Variants in KIF11 observed in about 807,000 individuals in gnomAD.
KIF11 encodes the protein kinesin-like protein KIF11.
Under a neutral mutation model 121.0 loss-of-function variants are expected in KIF11, and 9 were observed. The ratio of observed to expected loss-of-function variants is 0.07; its 90% confidence interval spans 0.04 to 0.13. The LOEUF (loss-of-function observed/expected upper bound fraction) is 0.13, where lower values mean the gene tolerates loss of function less well. Ranked by LOEUF, KIF11 falls within the 10% of genes least tolerant of loss-of-function variation. The pLI, the probability that KIF11 is intolerant of heterozygous loss-of-function variation, is 1.00. For missense variants in KIF11, 846 were observed against 1,217.5 expected (o/e 0.69, Z 4.54); for synonymous variants, 408 against 421.0 (o/e 0.97, Z 0.38).
At chr10:92,628,395 T>G (rs1844701395) in intron 10 of KIF11, among the ~76,000 whole-genome samples, 1 of 152,156 alleles carries the variant, frequency 6.6e-6, no homozygotes, top group Non-Finnish European at 1.5e-5. Flanking sequence ...AAGTCCCACA[T>G]TTTTCCAGCA....
chr10:92,600,418 TCA>T (rs1844356012), intron 1 of KIF11, among the ~76,000 whole-genome samples: 2 of 152,212 alleles, frequency 1.3e-5, no homozygotes, highest in South Asian at 4.1e-4. Flanking sequence ...GATCAACCCA[TCA>T]CCTAGCTATT....
chr10:92,632,263 G>A (rs1844746391), intron 12 of KIF11, among the ~76,000 whole-genome samples: 1 of 151,846 alleles, frequency 6.6e-6, no homozygotes. Context: ...CACCTCCCAG[G>A]TTCAAGCAAT....
intron 16 of KIF11, 84 bp downstream of exon 16, chr10:92,637,629 C>CAT: frequency 7.5e-7 from 1 of 1,326,722 alleles, no homozygotes. Context: ...CTATGTTACA[C>CAT]AATCTGAATA....
intron 21 of KIF11, among the ~76,000 whole-genome samples, chr10:92,652,058 A>G (rs1281138652): frequency 7.0e-6 from 1 of 143,602 alleles, no homozygotes; most frequent in Admixed American, 7.4e-5. Flanking sequence ...CAGCCCTCCT[A>G]CCTCAGCCTC....
intron 12 of KIF11, among the ~76,000 whole-genome samples, chr10:92,631,062 G>A (rs956141394): frequency 1.3e-4 from 20 of 151,232 alleles, no homozygotes; most frequent in African/African-American, 4.1e-4. Flanking sequence ...GAGGTGGGTG[G>A]ATTGCTTGAG....
Position 92,655,016 on chromosome 10 carries a change from T to C in KIF11, c.*1220T>C, listed in dbSNP as rs1215336313. On this transcript the variant is annotated 3_prime_UTR_variant, in exon 22 of 22. Transcript: ENST00000260731. ...GTTTGTATATAATACAATGTGTACA[T>C]GTATCTTTTTCTCGATTCAAATCTT... 1 of 152,694 alleles carries C rather than the reference T, an allele frequency of 6.5e-6. No individual in the cohort carries two copies. The highest frequency in any genetic ancestry group is 1.5e-5 in the Non-Finnish European group (1 of 68,044). 9.5% of individuals were successfully genotyped at this position (152,694 alleles called of 1,614,324 possible).
rs1440576167 is a variant in KIF11 at position 92,613,267 on chromosome 10, G to GA, written c.790-104dup. On this transcript the variant is annotated intron_variant, in intron 7 of 21. Transcript: ENST00000260731. This position sits in a 1 kb window ranked among gnomAD's most constrained non-coding sequence, Gnocchi z 4.2. ...TGGGAGAAGAAATTTGTTAATTACA[G>GA]AAAAAATTATTTTGCTGGCGATTTA... 7 of 1,106,898 alleles carry GA rather than the reference G, an allele frequency of 6.3e-6. No individual in the cohort carries two copies. The highest frequency in any genetic ancestry group is 1.6e-5 in the African/African-American group (1 of 62,866). 68.6% of individuals were successfully genotyped at this position (1,106,898 alleles called of 1,614,324 possible).
At chr10:92,636,397 A>T (rs2135918547) in intron 14 of KIF11, among the ~76,000 whole-genome samples, 1 of 152,100 alleles carries the variant, frequency 6.6e-6, no homozygotes, top group East Asian at 1.9e-4. Flanking sequence ...TGGGTGGATC[A>T]CTTGAGGTCA....
At chr10:92,622,358 T>C (rs1441233647) in intron 10 of KIF11, among the ~76,000 whole-genome samples, 1 of 150,406 alleles carries the variant, frequency 6.6e-6, no homozygotes, top group Non-Finnish European at 1.5e-5. Flanking sequence ...CTCACGCCTG[T>C]AATCCCAGCA....
At chr10:92,605,300 CTGAG>C (rs1362389324) in intron 1 of KIF11, among the ~76,000 whole-genome samples, 2 of 152,130 alleles carry the variant, frequency 1.3e-5, no homozygotes, top group Non-Finnish European at 2.9e-5. Flanking sequence ...TGTGGACAAA[CTGAG>C]TGAGCACAAT....
chr10:92,606,144 T>C, intron 1 of KIF11, 121 bp from the exon 2 acceptor site: 1 of 775,544 alleles, frequency 1.3e-6, no homozygotes, highest in East Asian at 2.7e-5. Flanking sequence ...TGATTTAATC[T>C]CCATCACCAA....
At chr10:92,616,666 C>T in intron 8 of KIF11, 71 bp from the exon 9 acceptor site, 2 of 755,984 alleles carry the variant, frequency 2.6e-6, no homozygotes, top group Non-Finnish European at 4.4e-6. Context: ...TATTATATAA[C>T]ATATTTTAGA....
intron 13 of KIF11, among the ~76,000 whole-genome samples, 185 bp downstream of exon 13, chr10:92,632,878 C>G (rs1458945675): frequency 1.3e-5 from 2 of 152,024 alleles, no homozygotes; most frequent in Admixed American, 1.3e-4. Flanking sequence ...TTTTCCCTCC[C>G]CACCCTCCCT....
At chr10:92,627,317 A>G (rs1420558841) in intron 10 of KIF11, among the ~76,000 whole-genome samples, 1 of 152,202 alleles carries the variant, frequency 6.6e-6, no homozygotes, top group Non-Finnish European at 1.5e-5. Context: ...TACTCAAGAA[A>G]TCAGAGACCC....
At position 92,633,522 on chromosome 10, in the gene KIF11, TACA is replaced by T. The variant is rs1431373712; in HGVS notation, c.1703-96_1703-94del. On this transcript the variant is annotated intron_variant, in intron 13 of 21. Transcript: ENST00000260731. ...CTTTTAAGCTCGTTATTACAAATTC[TACA>T]ACAAGGGTATACTTTTGTCAACTTC... is the stretch of plus-strand genomic sequence containing the variant. The T allele has an allele frequency of 1.1e-5, 9 of 794,830 alleles. No homozygotes were observed. In the Admixed American group the frequency reaches 1.5e-4, roughly 13 times the overall value. 49.2% of individuals were successfully genotyped at this position (794,830 alleles called of 1,614,324 possible). A position where few individuals can be genotyped will look rare whatever the true frequency, so the allele number is the denominator to read the frequency against.
intron 21 of KIF11, among the ~76,000 whole-genome samples, chr10:92,652,077 C>T (rs1265420317): frequency 6.7e-6 from 1 of 149,896 alleles, no homozygotes; most frequent in East Asian, 2.0e-4. Flanking sequence ...TCCCAAAATG[C>T]TAGGATTACA....
chr10:92,625,418 A>G (rs954529849), intron 10 of KIF11, among the ~76,000 whole-genome samples: 5 of 149,244 alleles, frequency 3.4e-5, no homozygotes, highest in East Asian at 3.9e-4. Context: ...GCACGATCTC[A>G]GCTCACTTCA....
At chr10:92,650,112 A>G in intron 20 of KIF11, 126 bp downstream of exon 20, 2 of 691,152 alleles carry the variant, frequency 2.9e-6, no homozygotes, top group Non-Finnish European at 4.8e-6. Flanking sequence ...TGATAGGCCT[A>G]GCCCTTAGGC....
In KIF11 at chr10:92,628,847, T is replaced by C. The variant is rs1159939746; in HGVS notation, c.1257T>C (p.Ile419=). The change falls in exon 11 of 22, where the codon ATT becomes ATC. Residue 419 remains isoleucine, a synonymous_variant. Transcript: ENST00000260731. ...SGKLTVQEEQ[I]VELIEKIGAV... is the part of the protein sequence containing the mutation. ...AATTAACTGTTCAAGAAGAGCAGAT[T>C]GTAGAATTGATTGAAAAAATTGGTG... The C allele has an allele frequency of 6.2e-7, 1 of 1,604,780 alleles. No homozygotes were observed. Among genetic ancestry groups the C allele is most frequent in the Admixed American group, 1.7e-5 (1 of 59,816 alleles).
Sources: allele counts gnomAD v4.1 joint callset (sites outside exome capture counted in the v4.1 genomes callset), GRCh38; gene constraint gnomAD v4.1.1; non-coding constraint Gnocchi (gnomAD v3.1); transcripts MANE v1.5; gene names NCBI Gene and HGNC (gene_info 2026-07-23, HGNC 2026-07-21).